Variants in PAM observed in about 807,000 individuals in gnomAD.
PAM encodes the protein peptidyl-glycine alpha-amidating monooxygenase.
Under a neutral mutation model 122.1 loss-of-function variants are expected in PAM, and 72 were observed. The observed-to-expected ratio is 0.59, with a 90% CI of 0.49 to 0.72. The LOEUF (loss-of-function observed/expected upper bound fraction) is 0.72, where lower values mean the gene tolerates loss of function less well. Ranked by LOEUF, PAM falls within the 30% of genes least tolerant of loss-of-function variation. The probability of loss-of-function intolerance (pLI) is 0.00; values close to 1 mark genes in which losing one functional copy is unlikely to be tolerated. For missense variants in PAM, 1,106 were observed against 1,183.7 expected, an observed-to-expected ratio of 0.93 and a Z score of 0.96; for synonymous variants, 389 against 404.4, an observed-to-expected ratio of 0.96 and a Z score of 0.46.
intron 16 of PAM, among the ~76,000 whole-genome samples, chr5:103,001,879 T>G (rs183138201): frequency 6.6e-6 from 1 of 152,260 alleles, no homozygotes; most frequent in Admixed American, 6.5e-5. Flanking sequence ...AGATTCTTCT[T>G]TTGCTTAACC....
At chr5:102,923,106 A>T (rs1271247598) in intron 5 of PAM, among the ~76,000 whole-genome samples, 1 of 152,244 alleles carries the variant, frequency 6.6e-6, no homozygotes, top group East Asian at 1.9e-4. Context: ...TAGAAGCAAG[A>T]TCACTTTGCT....
At chr5:102,880,526 A>G (rs182371143) in intron 3 of PAM, among the ~76,000 whole-genome samples, 2 of 152,280 alleles carry the variant, frequency 1.3e-5, no homozygotes, top group East Asian at 3.9e-4. Context: ...AAATGATGTC[A>G]TGGAAGACTT....
chr5:102,967,754 C>T (rs575174649), intron 14 of PAM, among the ~76,000 whole-genome samples: 25 of 135,826 alleles, frequency 1.8e-4, no homozygotes, highest in African/African-American at 6.4e-4. Context: ...CTTGCACTGT[C>T]GCCCAGGCTG....
intron 1 of PAM, among the ~76,000 whole-genome samples, chr5:102,821,673 A>AT (rs1247558447): frequency 3.9e-5 from 6 of 152,288 alleles, no homozygotes; most frequent in South Asian, 2.1e-4. Context: ...CCTATGAAGA[A>AT]AGTACTGTTA....
At chr5:102,831,907 CT>C (rs1775592164) in intron 1 of PAM, among the ~76,000 whole-genome samples, 45 of 151,872 alleles carry the variant, frequency 3.0e-4, no homozygotes, top group Admixed American at 2.9e-3. Flanking sequence ...CCGCCCGCCC[CT>C]GTCTCATACA....
chr5:102,949,452 G>A, intron 9 of PAM, 85 bp from the exon 10 acceptor site: 2 of 786,810 alleles, frequency 2.5e-6, no homozygotes, highest in Non-Finnish European at 4.7e-6. Flanking sequence ...AGCATCTTGT[G>A]AATACCCTAT....
chr5:102,915,062 A>C (rs188521295), intron 5 of PAM, among the ~76,000 whole-genome samples: 1 of 152,176 alleles, frequency 6.6e-6, no homozygotes, highest in East Asian at 1.9e-4. Context: ...GGCATTCTTG[A>C]AGATCACTGA....
chr5:102,901,333 T>C (rs1797790206), intron 3 of PAM, 23 bp from the exon 4 acceptor site: 3 of 1,435,346 alleles, frequency 2.1e-6, no homozygotes, highest in South Asian at 1.2e-5. Context: ...TTAATTTGGA[T>C]TTTTTAATCT....
intron 1 of PAM, among the ~76,000 whole-genome samples, chr5:102,809,592 T>C (rs1767314904): frequency 6.6e-6 from 1 of 152,216 alleles, no homozygotes. Flanking sequence ...TGTCCCTCCC[T>C]AGAGAAATGT....
intron 1 of PAM, among the ~76,000 whole-genome samples, chr5:102,855,250 A>G (rs538334183): frequency 6.6e-6 from 1 of 152,304 alleles, no homozygotes; most frequent in African/African-American, 2.4e-5. Flanking sequence ...TCTTTAAGAA[A>G]AATTTCCATA....
chr5:102,774,664 C>A (rs903019847), intron 1 of PAM, among the ~76,000 whole-genome samples: 1 of 151,872 alleles, frequency 6.6e-6, no homozygotes, highest in Non-Finnish European at 1.5e-5. Context: ...TTTTTTTATT[C>A]TTTTGTGACT....
chr5:102,804,386 G>A (rs1427434407), intron 1 of PAM, among the ~76,000 whole-genome samples: 1 of 151,984 alleles, frequency 6.6e-6, no homozygotes, highest in African/African-American at 2.4e-5. Context: ...GCCTGATAAA[G>A]AAGACCTAAG....
rs1561962932 is a variant in PAM, at chr5:102,940,145, C to CAT, written c.527-6691_527-6690insTA. 2.0e-5 allele frequency among the ~76,000 whole-genome samples: 3 copies of CAT among 146,620 alleles called. No individual in the cohort carries two copies. In the East Asian group the frequency reaches 6.0e-4, roughly 29 times the overall value. ...ACACACACACACACACACACACACACACACATACACACACACACATATATA... is the reference window on the plus strand; with the variant it reads ...ACACACACACACACACACACACACACATACACATACACACACACACATATATA... On this transcript the variant is annotated intron_variant, in intron 7 of 25. Coordinates refer to ENST00000438793, the MANE Select transcript of PAM (RefSeq NM_001177306.2).
chr5:102,863,057 G>C (rs1180710682), intron 1 of PAM, among the ~76,000 whole-genome samples: 4 of 144,494 alleles, frequency 2.8e-5, no homozygotes, highest in Non-Finnish European at 4.4e-5. Context: ...AGCCAAATTA[G>C]TTTTATGGTC....
chr5:102,895,625 A>G (rs1795997584), intron 3 of PAM, among the ~76,000 whole-genome samples: 1 of 151,756 alleles, frequency 6.6e-6, no homozygotes, highest in African/African-American at 2.4e-5. Context: ...ATGGTTCATT[A>G]TAAATGTCAA....
chr5:102,973,816 G>A (rs528913961), intron 14 of PAM, among the ~76,000 whole-genome samples: 184 of 128,890 alleles, frequency 1.4e-3, no homozygotes, highest in Non-Finnish European at 2.2e-3. Context: ...CTTAATTTCC[G>A]TATCAAACTA....
intron 15 of PAM, among the ~76,000 whole-genome samples, chr5:102,987,316 C>T (rs900773328): frequency 6.6e-6 from 1 of 152,020 alleles, no homozygotes. Context: ...CATATTCATA[C>T]TCATATGTGG....
At chr5:102,779,918 T>TATATATAC (rs147065045) in intron 1 of PAM, among the ~76,000 whole-genome samples, 30 of 95,670 alleles carry the variant, frequency 3.1e-4, no homozygotes, top group African/African-American at 8.6e-4. Context: ...TATATATATA[T>TATATATAC]ACACACATAT....
intron 1 of PAM, among the ~76,000 whole-genome samples, chr5:102,802,585 C>A (rs768499568): frequency 1.3e-5 from 2 of 152,036 alleles, no homozygotes; most frequent in Non-Finnish European, 2.9e-5. Flanking sequence ...TGTATTGGAG[C>A]AGACCAACAT....
Sources: allele counts gnomAD v4.1 joint callset (sites outside exome capture counted in the v4.1 genomes callset), GRCh38; gene constraint gnomAD v4.1.1; transcripts MANE v1.5; gene names NCBI Gene and HGNC (gene_info 2026-07-23, HGNC 2026-07-21).